Variants in HCN1 observed in about 807,000 individuals in gnomAD.
The protein encoded by HCN1 is potassium/sodium hyperpolarization-activated cyclic nucleotide-gated channel 1.
In HCN1, 13 loss-of-function variants were observed where a neutral mutation model predicts 78.9. That is an observed-to-expected ratio of 0.16 (90% CI 0.11 to 0.26). HCN1 has a LOEUF of 0.26. Among genes scored for constraint, HCN1 ranks in the 10% least tolerant of loss-of-function variants. The pLI is 1.00. For synonymous variants in HCN1, 552 were observed against 455.5 expected (o/e 1.21, Z -2.70); for missense variants, 810 against 1,154.3 (o/e 0.70, Z 4.32).
At chr5:45,572,949 T>C (rs1019882380) in intron 2 of HCN1, among the ~76,000 whole-genome samples, 1 of 151,960 alleles carries the variant, frequency 6.6e-6, no homozygotes, top group Non-Finnish European at 1.5e-5. Context: ...GAACATTTCA[T>C]TTTTTTTAAG....
At chr5:45,625,577 A>C (rs1745148371) in intron 2 of HCN1, among the ~76,000 whole-genome samples, 1 of 152,058 alleles carries the variant, frequency 6.6e-6, no homozygotes, top group South Asian at 2.1e-4. Context: ...TTAACCTATA[A>C]AATTATAGAA....
At chr5:45,492,321 T>TGTGA (rs1554028346) in intron 2 of HCN1, among the ~76,000 whole-genome samples, 7 of 141,964 alleles carry the variant, frequency 4.9e-5, no homozygotes, top group South Asian at 2.3e-4. Context: ...TGTGTGTGTG[T>TGTGA]GAGAGAGAGA....
At chr5:45,294,562 G>T (rs1421270992) in intron 6 of HCN1, among the ~76,000 whole-genome samples, 1 of 151,784 alleles carries the variant, frequency 6.6e-6, no homozygotes, top group East Asian at 1.9e-4. Context: ...ATGAGTAAAG[G>T]AGATATTAAT....
intron 2 of HCN1, among the ~76,000 whole-genome samples, chr5:45,476,362 C>G (rs961295946): frequency 6.6e-6 from 1 of 151,958 alleles, no homozygotes; most frequent in African/African-American, 2.4e-5. Context: ...GTTAAGCCAC[C>G]CAGTCCATGA....
At chr5:45,444,929 C>T (rs1014968087) in intron 3 of HCN1, among the ~76,000 whole-genome samples, 18 of 152,100 alleles carry the variant, frequency 1.2e-4, no homozygotes, top group Admixed American at 7.9e-4. Context: ...AGGAACAGCT[C>T]CAGTCTACAA....
At chr5:45,654,347 A>T (rs1745729628) in intron 1 of HCN1, among the ~76,000 whole-genome samples, 1 of 152,130 alleles carries the variant, frequency 6.6e-6, no homozygotes. Context: ...GAAATAATGT[A>T]TAAAATAGCT....
chr5:45,507,939 A>C (rs910196986), intron 2 of HCN1, among the ~76,000 whole-genome samples: 5 of 152,152 alleles, frequency 3.3e-5, no homozygotes, highest in Admixed American at 1.3e-4. Context: ...ATATAACATT[A>C]TATGTGTGCA....
At chr5:45,605,593 T>A (rs1190857434) in intron 2 of HCN1, among the ~76,000 whole-genome samples, 9 of 151,884 alleles carry the variant, frequency 5.9e-5, no homozygotes, top group Admixed American at 2.6e-4. Context: ...TAAAAAAAAA[T>A]TGTGCAGATT....
In HCN1 at chr5:45,420,746, G is replaced by GA. The variant is rs578136781; in HGVS notation, c.1012-24037dup. Among the ~76,000 whole-genome samples, 263 of 151,976 alleles carry GA rather than the reference G, an allele frequency of 1.7e-3. 1 individual carries two copies. The highest frequency in any genetic ancestry group is 6.1e-3 in the African/African-American group (254 of 41,460). The stretch of plus-strand genomic sequence containing the variant: ...AACACACACACACCATTTACTCCTC[G>GA]AAACACTCAGATCAGGACTCTGTAC... On this transcript the variant is annotated intron_variant, in intron 3 of 7. Transcript: ENST00000303230.
chr5:45,336,924 C>T (rs1455540985), intron 5 of HCN1, among the ~76,000 whole-genome samples: 1 of 151,968 alleles, frequency 6.6e-6, no homozygotes, highest in Non-Finnish European at 1.5e-5. Flanking sequence ...CTCCCAAAGG[C>T]CCCTTCCTCT....
At chr5:45,285,648 C>T (rs189307767) in intron 6 of HCN1, among the ~76,000 whole-genome samples, 1 of 151,646 alleles carries the variant, frequency 6.6e-6, no homozygotes, top group African/African-American at 2.4e-5. Context: ...AAAAATGTAG[C>T]CAAGATCAAT....
intron 3 of HCN1, among the ~76,000 whole-genome samples, 199 bp from the exon 4 acceptor site, chr5:45,396,909 A>G (rs1050734883): frequency 6.6e-6 from 1 of 152,198 alleles, no homozygotes; most frequent in African/African-American, 2.4e-5. Flanking sequence ...TGAAGTGGAA[A>G]CAGTCTGCTG....
intron 1 of HCN1, among the ~76,000 whole-genome samples, chr5:45,665,703 C>G (rs983301294): frequency 6.6e-6 from 1 of 151,900 alleles, no homozygotes; most frequent in African/African-American, 2.4e-5. Flanking sequence ...AGATTACTAA[C>G]TCAAAAGTCA....
intron 5 of HCN1, among the ~76,000 whole-genome samples, chr5:45,316,109 C>A (rs1207179744): frequency 6.6e-6 from 1 of 151,274 alleles, no homozygotes; most frequent in East Asian, 2.0e-4. Flanking sequence ...AGAGACACAA[C>A]AAAAAGAGAA....
At chr5:45,413,374 A>G (rs1229733832) in intron 3 of HCN1, among the ~76,000 whole-genome samples, 1 of 152,098 alleles carries the variant, frequency 6.6e-6, no homozygotes, top group Non-Finnish European at 1.5e-5. Flanking sequence ...GAAGAGGTAA[A>G]TGTATTGATA....
intron 2 of HCN1, among the ~76,000 whole-genome samples, chr5:45,560,627 T>C (rs942811494): frequency 2.1e-4 from 32 of 152,112 alleles, no homozygotes; most frequent in African/African-American, 7.2e-4. Context: ...AATTATCCTG[T>C]CCACATTATT....
chr5:45,293,785 T>C (rs1454464011), intron 6 of HCN1, among the ~76,000 whole-genome samples: 1 of 151,920 alleles, frequency 6.6e-6, no homozygotes, highest in Non-Finnish European at 1.5e-5. Context: ...GTGACTAGCA[T>C]CTCTCTCACA....
At chr5:45,599,892 G>T (rs1476112477) in intron 2 of HCN1, among the ~76,000 whole-genome samples, 1 of 151,582 alleles carries the variant, frequency 6.6e-6, no homozygotes, top group African/African-American at 2.4e-5. Context: ...TGAATTCACT[G>T]CAGTTCTTAA....
At chr5:45,666,944 TG>T (rs1561238481) in intron 1 of HCN1, among the ~76,000 whole-genome samples, 1 of 151,846 alleles carries the variant, frequency 6.6e-6, no homozygotes, top group African/African-American at 2.4e-5. Flanking sequence ...ATTAAGGAAA[TG>T]GAAAGCCTAA....
Sources: gnomAD v4.1 joint callset for allele counts (sites outside exome capture counted in the v4.1 genomes callset) on GRCh38, gnomAD v4.1.1 for gene constraint, MANE v1.5 for transcripts, NCBI Gene and HGNC (gene_info 2026-07-23, HGNC 2026-07-21) for gene names.